RBMS3: variants seen among roughly 807,000 people sequenced by gnomAD.
The protein encoded by RBMS3 is RNA binding motif single stranded interacting protein 3.
A neutral mutation model predicts 66.8 loss-of-function variants in RBMS3; 27 were observed. That is an observed-to-expected ratio of 0.40 (90% confidence interval 0.30 to 0.56). The LOEUF is 0.56. Ranked by LOEUF, RBMS3 falls within the 20% of genes least tolerant of loss-of-function variation. RBMS3 has a pLI of 0.40. For synonymous variants in RBMS3, 188 were observed against 183.0 expected (o/e 1.03, Z -0.22); for missense variants, 513 against 549.5 (o/e 0.93, Z 0.66).
intron 3 of RBMS3, among the ~76,000 whole-genome samples, chr3:29,518,726 C>T (rs1043562051): frequency 6.6e-6 from 1 of 152,168 alleles, no homozygotes; most frequent in African/African-American, 2.4e-5. Flanking sequence ...TTGCAATTTG[C>T]TGAAGGCAGA....
chr3:29,332,593 G>T (rs1445688037), intron 1 of RBMS3, among the ~76,000 whole-genome samples: 1 of 152,120 alleles, frequency 6.6e-6, no homozygotes, highest in African/African-American at 2.4e-5. Context: ...CCCTCAATGT[G>T]GTGTCAATGC....
chr3:29,549,560 C>T (rs1438795576), intron 3 of RBMS3, among the ~76,000 whole-genome samples: 1 of 151,894 alleles, frequency 6.6e-6, no homozygotes, highest in African/African-American at 2.4e-5. Context: ...CCACCATGTC[C>T]AGCTAATTTT....
chr3:29,933,094 C>A (rs2149683440), intron 10 of RBMS3, among the ~76,000 whole-genome samples: 1 of 152,270 alleles, frequency 6.6e-6, no homozygotes, highest in South Asian at 2.1e-4. Context: ...TCTTGCTTTG[C>A]CACTTGCCAG....
rs1448531778 is a variant in RBMS3 at position 29,643,244 on chromosome 3, G to A, written c.399+56039G>A. On this transcript the variant is annotated intron_variant, in intron 4 of 14. Transcript: ENST00000383767. ...AGAGCGCTACCAATCTAATTATCCA[G>A]TAATCTAGTCAGAATGGGAGTAATT... 5.3e-5 allele frequency among the ~76,000 whole-genome samples: 8 copies of A among 152,140 alleles called. No individual in the cohort carries two copies. In the East Asian group the frequency reaches 1.5e-3, roughly 29 times the overall value.
At chr3:29,375,484 A>G (rs1472398769) in intron 1 of RBMS3, among the ~76,000 whole-genome samples, 2 of 152,222 alleles carry the variant, frequency 1.3e-5, no homozygotes, top group Non-Finnish European at 2.9e-5. Context: ...CAGCATCTAC[A>G]AGGAACTTAA....
At chr3:29,448,057 A>G (rs1025819678) in intron 2 of RBMS3, among the ~76,000 whole-genome samples, 5 of 152,212 alleles carry the variant, frequency 3.3e-5, no homozygotes, top group Non-Finnish European at 5.9e-5. Flanking sequence ...ATGTTTCAAC[A>G]TCATGGGACA....
intron 4 of RBMS3, among the ~76,000 whole-genome samples, chr3:29,647,186 C>A (rs1314110815): frequency 6.6e-6 from 1 of 152,126 alleles, no homozygotes; most frequent in Non-Finnish European, 1.5e-5. Context: ...ACCAAGTTGG[C>A]CAGGCTGGTC....
At chr3:29,877,102 A>T (rs1450636010) in intron 7 of RBMS3, among the ~76,000 whole-genome samples, 1 of 152,242 alleles carries the variant, frequency 6.6e-6, no homozygotes, top group African/African-American at 2.4e-5. Flanking sequence ...GGCAGTAATC[A>T]TGCATTGAAC....
intron 4 of RBMS3, among the ~76,000 whole-genome samples, chr3:29,657,946 G>A (rs1278701428): frequency 2.0e-5 from 3 of 152,128 alleles, no homozygotes; most frequent in African/African-American, 7.2e-5. Flanking sequence ...CATGAAAATG[G>A]AAAGCTTCAA....
chr3:29,354,677 A>G (rs1407212515), intron 1 of RBMS3, among the ~76,000 whole-genome samples: 2 of 152,150 alleles, frequency 1.3e-5, no homozygotes, highest in East Asian at 3.8e-4. Context: ...TGATACTACT[A>G]CTAAACAGTA....
chr3:29,939,822 C>T (rs934795058), intron 11 of RBMS3, among the ~76,000 whole-genome samples: 5 of 151,796 alleles, frequency 3.3e-5, no homozygotes, highest in African/African-American at 1.2e-4. Context: ...CAATACTAAC[C>T]TCATCTAATA....
chr3:29,729,308 G>C (rs1044175403), intron 4 of RBMS3, among the ~76,000 whole-genome samples: 3 of 152,074 alleles, frequency 2.0e-5, no homozygotes, highest in Non-Finnish European at 1.5e-5. Context: ...TCCCTGAAAA[G>C]GACATGAACT....
chr3:29,282,425 G>C (rs897902679), intron 1 of RBMS3, among the ~76,000 whole-genome samples: 1 of 152,072 alleles, frequency 6.6e-6, no homozygotes, highest in Admixed American at 6.6e-5. Flanking sequence ...TCTTGAAAAG[G>C]AATGAAATGT....
chr3:29,388,068 T>A (rs2125636927), intron 1 of RBMS3, among the ~76,000 whole-genome samples: 1 of 142,450 alleles, frequency 7.0e-6, no homozygotes, highest in East Asian at 2.2e-4. Context: ...CCAACCAAAC[T>A]GTCTACACAC....
chr3:29,436,008 T>C (rs2041390975), intron 2 of RBMS3, among the ~76,000 whole-genome samples: 1 of 152,074 alleles, frequency 6.6e-6, no homozygotes, highest in Non-Finnish European at 1.5e-5. Context: ...TAGACCTGTA[T>C]TTTTTGGTTA....
At chr3:29,865,300 C>T (rs192064647) in intron 6 of RBMS3, among the ~76,000 whole-genome samples, 12 of 152,194 alleles carry the variant, frequency 7.9e-5, no homozygotes, top group Admixed American at 7.9e-4. Context: ...CTATTAGAAC[C>T]AGGGACTATC....
chr3:29,450,634 G>A (rs1046466873), intron 2 of RBMS3, among the ~76,000 whole-genome samples: 5 of 151,952 alleles, frequency 3.3e-5, no homozygotes, highest in East Asian at 1.9e-4. Flanking sequence ...TGAAATTACC[G>A]CAAGGATATT....
At chr3:29,483,617 C>T (rs2043220581) in intron 2 of RBMS3, among the ~76,000 whole-genome samples, 1 of 152,128 alleles carries the variant, frequency 6.6e-6, no homozygotes, top group Non-Finnish European at 1.5e-5. Context: ...ATATCAAACT[C>T]GAAATGCTGT....
chr3:29,753,146 A>T (rs1049405193), intron 5 of RBMS3, among the ~76,000 whole-genome samples: 5 of 152,350 alleles, frequency 3.3e-5, no homozygotes, highest in Admixed American at 3.3e-4. Context: ...TGATTAGATT[A>T]CTAACCTCAG....
Sources: gnomAD v4.1 joint callset for allele counts (sites outside exome capture counted in the v4.1 genomes callset) on GRCh38, gnomAD v4.1.1 for gene constraint, MANE v1.5 for transcripts, NCBI Gene and HGNC (gene_info 2026-07-23, HGNC 2026-07-21) for gene names.